The following FKBP5 variants were observed in gnomAD, a reference collection of about 807,000 sequenced individuals.
FKBP5 encodes peptidyl-prolyl cis-trans isomerase FKBP5.
A neutral mutation model predicts 50.5 loss-of-function variants in FKBP5; 23 were observed. The ratio of observed to expected loss-of-function variants is 0.46; its 90% confidence interval spans 0.33 to 0.65. The LOEUF (loss-of-function observed/expected upper bound fraction) is 0.65. FKBP5 is among the 30% of genes least tolerant of loss of function. The probability of loss-of-function intolerance (pLI) is 0.02; values close to 1 mark genes in which losing one functional copy is unlikely to be tolerated. For missense variants in FKBP5, 411 were observed against 553.1 expected (o/e 0.74, Z 2.58); for synonymous variants, 176 against 190.6 (o/e 0.92, Z 0.63).
intron 1 of FKBP5, among the ~76,000 whole-genome samples, chr6:35,683,717 C>G (rs1279870576): frequency 6.7e-6 from 1 of 148,684 alleles, no homozygotes; most frequent in African/African-American, 2.5e-5. Flanking sequence ...GACCTCCTGG[C>G]CTGGCCTATA....
intron 8 of FKBP5, chr6:35,581,158 GC>G: frequency 1.0e-6 from 1 of 981,426 alleles, no homozygotes. Flanking sequence ...TGATCTATAG[GC>G]AATGGGAATA....
intron 7 of FKBP5, among the ~76,000 whole-genome samples, chr6:35,589,090 T>A (rs1255161095): frequency 4.5e-5 from 6 of 134,568 alleles, no homozygotes; most frequent in African/African-American, 1.2e-4. Context: ...ATATATATAT[T>A]TTTATATATA....
At chr6:35,697,207 T>TA (rs1381312835) in intron 2 of FKBP5, among the ~76,000 whole-genome samples, 2 of 152,028 alleles carry the variant, frequency 1.3e-5, no homozygotes, top group Admixed American at 1.3e-4. Flanking sequence ...AATGAATAGA[T>TA]AAACAAAATG....
intron 1 of FKBP5, among the ~76,000 whole-genome samples, chr6:35,684,389 G>C (rs934359853): frequency 9.9e-5 from 15 of 151,918 alleles, no homozygotes; most frequent in African/African-American, 3.4e-4. Context: ...TGTTTCCCAG[G>C]CTGGTCTCAA....
intron 1 of FKBP5, among the ~76,000 whole-genome samples, chr6:35,681,115 GT>G (rs1765650861): frequency 6.6e-6 from 1 of 152,120 alleles, no homozygotes; most frequent in Non-Finnish European, 1.5e-5. Context: ...GGTATTTCAT[GT>G]TTTTTAGATA....
At chr6:35,600,294 A>C (rs1002149462) in intron 5 of FKBP5, among the ~76,000 whole-genome samples, 3 of 152,030 alleles carry the variant, frequency 2.0e-5, no homozygotes, top group South Asian at 4.1e-4. Flanking sequence ...ACGCACACCT[A>C]TAAGTCCCAG....
chr6:35,633,341 G>C (rs540539104), intron 3 of FKBP5, among the ~76,000 whole-genome samples: 3 of 152,044 alleles, frequency 2.0e-5, no homozygotes, highest in South Asian at 4.2e-4. Context: ...TCAAAAGTTC[G>C]AGACCACCCT....
Position 35,578,465 on chromosome 6 carries a change from TCAA to T in FKBP5, c.1027-1235_1027-1233del, listed in dbSNP as rs144653467. Among the ~76,000 whole-genome samples, 569 of 152,152 alleles carry T rather than the reference TCAA, an allele frequency of 3.7e-3. 2 individuals are homozygous for T. Among genetic ancestry groups the T allele is most frequent in the African/African-American group, 0.011 (440 of 41,510 alleles). ...ACCTTCTTTAAAGAGAAAGATATAATCAACAAAGCTAAAAGAAAATTGCTGGGT... is the reference window on the plus strand; with the variant it reads ...ACCTTCTTTAAAGAGAAAGATATAATCAAAGCTAAAAGAAAATTGCTGGGT... On this transcript the variant is annotated intron_variant, in intron 9 of 10. Coordinates refer to ENST00000357266, the MANE Select transcript of FKBP5 (RefSeq NM_004117.4).
chr6:35,585,942 C>T, intron 8 of FKBP5: 1 of 984,270 alleles, frequency 1.0e-6, no homozygotes, highest in Non-Finnish European at 1.2e-6. Context: ...CCACTCCTCC[C>T]TCCTGACAAG....
intron 1 of FKBP5, among the ~76,000 whole-genome samples, chr6:35,681,524 C>A (rs952199706): frequency 6.6e-6 from 1 of 152,166 alleles, no homozygotes. Context: ...GCATCATAAA[C>A]ACTTATACAT....
chr6:35,674,355 G>GT (rs1027395431), intron 1 of FKBP5, among the ~76,000 whole-genome samples: 3 of 152,274 alleles, frequency 2.0e-5, no homozygotes, highest in African/African-American at 7.2e-5. Context: ...GAAATTATCT[G>GT]TAACACATAA....
At chr6:35,613,755 A>C (rs897256751) in intron 5 of FKBP5, among the ~76,000 whole-genome samples, 1 of 152,234 alleles carries the variant, frequency 6.6e-6, no homozygotes, top group Non-Finnish European at 1.5e-5. Flanking sequence ...AATTTCTATG[A>C]AATAGATTTG....
At chr6:35,589,114 A>ATATATTTT (rs1309695989) in intron 7 of FKBP5, among the ~76,000 whole-genome samples, 1 of 123,384 alleles carries the variant, frequency 8.1e-6, no homozygotes, top group Non-Finnish European at 1.7e-5. Flanking sequence ...ATATTTTTAT[A>ATATATTTT]TATATATATA....
At chr6:35,596,406 C>T (rs752714504) in intron 6 of FKBP5, among the ~76,000 whole-genome samples, 4 of 151,944 alleles carry the variant, frequency 2.6e-5, no homozygotes, top group African/African-American at 9.7e-5. Context: ...AGGTAAACTG[C>T]CATTGGATTA....
intron 10 of FKBP5, 41 bp from the exon 11 acceptor site, chr6:35,575,983 G>T: frequency 1.4e-6 from 2 of 1,386,360 alleles, no homozygotes; most frequent in Non-Finnish European, 2.1e-6. Context: ...AGAGAATAAA[G>T]AAGTGAAATA....
intron 1 of FKBP5, among the ~76,000 whole-genome samples, chr6:35,649,463 C>T (rs1764727433): frequency 6.6e-6 from 1 of 150,400 alleles, no homozygotes; most frequent in Admixed American, 6.6e-5. Flanking sequence ...AAAAATGCCT[C>T]GACCTTCTGG....
chr6:35,589,913 C>A (rs1436953842), intron 7 of FKBP5, among the ~76,000 whole-genome samples: 3 of 152,198 alleles, frequency 2.0e-5, no homozygotes, highest in Non-Finnish European at 4.4e-5. Flanking sequence ...CCTCCCCTCA[C>A]TTTCTTAGCC....
At chr6:35,681,834 GTGTAATA>G (rs1765669929) in intron 1 of FKBP5, among the ~76,000 whole-genome samples, 1 of 152,100 alleles carries the variant, frequency 6.6e-6, no homozygotes, top group African/African-American at 2.4e-5. Flanking sequence ...TTATACATAT[GTGTAATA>G]TATGTGTAAT....
rs1429347240 is a variant in FKBP5 at position 35,576,428 on chromosome 6, T to C, written c.1267-486A>G. Among the ~76,000 whole-genome samples, 3 of 152,072 alleles carry C rather than the reference T, an allele frequency of 2.0e-5. No homozygotes were observed. The East Asian group carries it at 5.8e-4, about 29-fold the overall frequency. On this transcript the variant is annotated intron_variant, in intron 10 of 10. Coordinates refer to ENST00000357266, the MANE Select transcript of FKBP5 (RefSeq NM_004117.4). ...GGCTCATGTCTATAATCCCAGCACT[T>C]TGGGAGACCAAAGCAGGAGGAACCC... is the stretch of plus-strand genomic sequence containing the variant.
Sources: gnomAD v4.1 joint callset for allele counts (sites outside exome capture counted in the v4.1 genomes callset) on GRCh38, gnomAD v4.1.1 for gene constraint, MANE v1.5 for transcripts, NCBI Gene and HGNC (gene_info 2026-07-23, HGNC 2026-07-21) for gene names.